SCAMP5: variants seen among roughly 807,000 people sequenced by gnomAD.
SCAMP5 encodes secretory carrier-associated membrane protein 5.
A neutral mutation model predicts 28.3 loss-of-function variants in SCAMP5; 7 were observed. That is an observed-to-expected ratio of 0.25 (90% CI 0.14 to 0.46). The LOEUF is 0.46. SCAMP5 is among the 20% of genes least tolerant of loss of function. SCAMP5 has a pLI of 0.99. For synonymous variants in SCAMP5, 117 were observed against 116.4 expected (o/e 1.00, Z -0.03); for missense variants, 192 against 312.5 (o/e 0.61, Z 2.91).
intron 3 of SCAMP5, among the ~76,000 whole-genome samples, chr15:75,014,522 A>G (rs7342591): frequency 0.2 from 30,421 of 152,158 alleles, 4,826 homozygotes; most frequent in South Asian, 0.43. Flanking sequence ...TTCATTTGAC[A>G]TTGGCTGATG....
chr15:75,014,545 CTT>C (rs2065842633), intron 3 of SCAMP5, among the ~76,000 whole-genome samples: 1 of 152,240 alleles, frequency 6.6e-6, no homozygotes, highest in African/African-American at 2.4e-5. Flanking sequence ...AATTTACAGT[CTT>C]CCTCATGGGG....
chr15:75,011,723 A>G, intron 1 of SCAMP5, 69 bp from the exon 2 acceptor site: 2 of 752,428 alleles, frequency 2.7e-6, no homozygotes, highest in Non-Finnish European at 4.5e-6. Context: ...AGCCCAGATG[A>G]GGAGTAGAGA....
rs889741628 is a variant in SCAMP5, at chr15:75,016,476, T to C, written c.137-117T>C. The C allele has an allele frequency of 9.7e-6, 9 of 927,590 alleles. No homozygotes were observed. In the African/African-American group the frequency reaches 1.3e-4, roughly 14 times the overall value. 57.5% of individuals were successfully genotyped at this position (927,590 alleles called of 1,614,324 possible). Reference sequence around the variant, plus strand: ...GCTTGTCTGCGCTGTTGGCCTGGCTTGATTGTGGGTCTCTGTTGCGTTACT... The same window carrying C: ...GCTTGTCTGCGCTGTTGGCCTGGCTCGATTGTGGGTCTCTGTTGCGTTACT... On this transcript the variant is annotated intron_variant, in intron 3 of 6. Coordinates refer to ENST00000425597, the MANE Select transcript of SCAMP5 (RefSeq NM_138967.4).
chr15:75,016,484 G>T (rs2141454425), intron 3 of SCAMP5, 109 bp from the exon 4 acceptor site: 1 of 996,770 alleles, frequency 1.0e-6, no homozygotes, highest in East Asian at 2.4e-5. Context: ...CTTGATTGTG[G>T]GTCTCTGTTG....
chr15:75,015,882 C>T (rs972968362), intron 3 of SCAMP5, among the ~76,000 whole-genome samples: 7 of 145,308 alleles, frequency 4.8e-5, no homozygotes, highest in East Asian at 2.1e-4. Context: ...GCTGAGATCG[C>T]GCCACTGCAC....
chr15:75,004,316 C>A (rs1166337305), intron 1 of SCAMP5, among the ~76,000 whole-genome samples: 1 of 152,102 alleles, frequency 6.6e-6, no homozygotes, highest in Non-Finnish European at 1.5e-5. Context: ...ACTACAGGCA[C>A]ACACCACCAT....
chr15:75,018,105 G>A lies in SCAMP5; in HGVS notation c.395+134G>A. The A allele has an allele frequency of 1.5e-6, 1 of 652,584 alleles. No individual in the cohort carries two copies. The highest frequency in any genetic ancestry group is 2.6e-5 in the East Asian group (1 of 38,440). 40.4% of individuals were successfully genotyped at this position (652,584 alleles called of 1,614,324 possible). A position where few individuals can be genotyped will look rare whatever the true frequency, so the allele number is the denominator to read the frequency against. ...TTGTTGGGAGAGTGAGAGGATTCGGGATAGTGTAGTAGTACAACCATAGCA... is the reference window on the plus strand; with the variant it reads ...TTGTTGGGAGAGTGAGAGGATTCGGAATAGTGTAGTAGTACAACCATAGCA... On this transcript the variant is annotated intron_variant, in intron 5 of 6. Coordinates refer to ENST00000425597, the MANE Select transcript of SCAMP5 (RefSeq NM_138967.4). This position sits in a 1 kb window ranked among gnomAD's most constrained non-coding sequence, Gnocchi z 5.6.
At chr15:75,016,869 T>G in intron 4 of SCAMP5, 120 bp downstream of exon 4, 1 of 944,966 alleles carries the variant, frequency 1.1e-6, no homozygotes, top group Non-Finnish European at 1.5e-6. Context: ...TCACTTTCCC[T>G]TGCTCACCTT....
At position 75,016,763 on chromosome 15, in the gene SCAMP5, G is replaced by A. The variant is rs771111706; in HGVS notation, c.293+14G>A. The A allele has an allele frequency of 6.2e-7, 1 of 1,608,968 alleles. No homozygotes were observed. The highest frequency in any genetic ancestry group is 8.5e-7 in the Non-Finnish European group (1 of 1,176,696). On this transcript the variant is annotated intron_variant, in intron 4 of 6. Coordinates refer to ENST00000425597, the MANE Select transcript of SCAMP5 (RefSeq NM_138967.4). ...CAAGGCCTTCAAGTAAGTGGTTGGTGCTATCCGCAGTGCCTAGCCGTCTCT... is the reference window on the plus strand; with the variant it reads ...CAAGGCCTTCAAGTAAGTGGTTGGTACTATCCGCAGTGCCTAGCCGTCTCT...
intron 1 of SCAMP5, among the ~76,000 whole-genome samples, chr15:75,005,016 A>G (rs2065743002): frequency 6.6e-6 from 1 of 152,132 alleles, no homozygotes; most frequent in Non-Finnish European, 1.5e-5. Flanking sequence ...CTCTACTAAA[A>G]ATACAAAAAT....
intron 1 of SCAMP5, among the ~76,000 whole-genome samples, chr15:74,998,442 G>A (rs1259647671): frequency 6.6e-6 from 1 of 151,922 alleles, no homozygotes; most frequent in East Asian, 1.9e-4. Flanking sequence ...CGTGTCTCTA[G>A]TAAAAATACA....
At chr15:75,012,326 G>T (rs186880735) in intron 2 of SCAMP5, among the ~76,000 whole-genome samples, 33 of 152,330 alleles carry the variant, frequency 2.2e-4, no homozygotes, top group Non-Finnish European at 4.3e-4. Context: ...AGTGGAGGCT[G>T]GAACCCACGT....
chr15:75,014,821 T>A (rs559715879), intron 3 of SCAMP5, among the ~76,000 whole-genome samples: 1 of 152,150 alleles, frequency 6.6e-6, no homozygotes, highest in African/African-American at 2.4e-5. Context: ...CTGGGGCAGG[T>A]TGGACTGGGG....
chr15:74,997,741 C>T (rs897250599), intron 1 of SCAMP5, among the ~76,000 whole-genome samples: 1 of 152,176 alleles, frequency 6.6e-6, no homozygotes, highest in Non-Finnish European at 1.5e-5. Flanking sequence ...AGGTTTGTAG[C>T]TGACTGGCAC....
chr15:75,005,586 C>T (rs906879228), intron 1 of SCAMP5, among the ~76,000 whole-genome samples: 5 of 152,256 alleles, frequency 3.3e-5, no homozygotes, highest in South Asian at 2.1e-4. Context: ...ACATTTGTCT[C>T]GTAGAATTTC....
Position 75,011,863 on chromosome 15 carries a change from G to A in SCAMP5, c.7+17G>A. 6.2e-7 allele frequency: 1 copy of A among 1,610,186 alleles called. No homozygotes were observed. The highest frequency in any genetic ancestry group is 1.1e-5 in the South Asian group (1 of 90,916). On this transcript the variant is annotated intron_variant, in intron 2 of 6. Transcript: ENST00000425597. ...TCATGGCAGGTAAGGAGAGGGGCAG[G>A]CTGTGTGGGTAGGACATGACAGTGA...
At chr15:75,014,472 A>G (rs1259543052) in intron 3 of SCAMP5, among the ~76,000 whole-genome samples, 3 of 152,214 alleles carry the variant, frequency 2.0e-5, no homozygotes, top group Admixed American at 2.0e-4. Context: ...ACACTCTCCA[A>G]AGAAACCCGG....
intron 1 of SCAMP5, among the ~76,000 whole-genome samples, chr15:75,003,301 T>C (rs746826384): frequency 1.2e-4 from 19 of 152,220 alleles, no homozygotes; most frequent in Non-Finnish European, 2.4e-4. Context: ...TCATCAATTA[T>C]ATGGAAATGG....
At chr15:75,006,146 C>T (rs1206155284) in intron 1 of SCAMP5, among the ~76,000 whole-genome samples, 2 of 150,478 alleles carry the variant, frequency 1.3e-5, no homozygotes, top group Admixed American at 6.6e-5. Context: ...TACAGGCGCC[C>T]GCCACCACAC....
Sources: allele counts gnomAD v4.1 joint callset (sites outside exome capture counted in the v4.1 genomes callset), GRCh38; gene constraint gnomAD v4.1.1; non-coding constraint Gnocchi (gnomAD v3.1); transcripts MANE v1.5; gene names NCBI Gene and HGNC (gene_info 2026-07-23, HGNC 2026-07-21).